SSX7: variants seen among roughly 807,000 people sequenced by gnomAD.
SSX7 encodes SSX family member 7.
In SSX7, 15 loss-of-function variants were observed where a neutral mutation model predicts 14.7. The observed-to-expected ratio is 1.02, with a 90% CI of 0.68 to 1.58. SSX7 has a LOEUF of 1.58. Ranked by LOEUF, SSX7 falls within the 40% of genes most tolerant of loss-of-function variation. SSX7 has a pLI of 0.00. For synonymous variants in SSX7, 46 were observed against 50.6 expected (o/e 0.91, Z 0.38); for missense variants, 178 against 146.8 (o/e 1.21, Z -1.10).
intron 4 of SSX7, among the ~76,000 whole-genome samples, chrX:52,651,807 G>T (rs1374780189): frequency 2.7e-5 from 3 of 111,395 alleles, no homozygotes; most frequent in Non-Finnish European, 5.7e-5. Flanking sequence ...CCCAGGAGGT[G>T]AAAGTTGGAG....
Position 52,650,365 on chromosome X carries a change from T to C in SSX7, c.318A>G (p.Arg106=). The part of the protein sequence containing the change: ...RPQMTFCRLQ[R]IFPKIMPKKP... ...GAGAGACACTCACCTTCGGGAAGAT[T>C]CTCTGGAGCCTGCAAAAAGTCATCT... The change falls in exon 5 of 8, where the codon AGA becomes AGG. Residue 106 remains arginine (R), a synonymous_variant. Coordinates refer to ENST00000298181, the MANE Select transcript of SSX7 (RefSeq NM_173358.2). 8.3e-7 allele frequency: 1 copy of C among 1,210,576 alleles called. No homozygotes were observed. The highest frequency in any genetic ancestry group is 1.1e-6 in the Non-Finnish European group (1 of 894,589).
chrX:52,647,566 C>T (rs1169846123), intron 6 of SSX7, among the ~76,000 whole-genome samples: 2 of 111,643 alleles, frequency 1.8e-5, no homozygotes, highest in Admixed American at 9.6e-5. Context: ...CACAGCCACT[C>T]CACCCTTCAG....
chrX:52,648,395 A>G lies in SSX7; in HGVS notation c.332T>C (p.Ile111Thr). 8.3e-7 allele frequency: 1 copy of G among 1,211,013 alleles called. No individual in the cohort carries two copies. Among genetic ancestry groups the G allele is most frequent in the Non-Finnish European group, 1.1e-6 (1 of 895,158 alleles). Residue 111 changes from isoleucine to threonine, a missense_variant and splice_region_variant, in exon 6 of 8, where the codon ATC becomes ACC. Physicochemically the swap from Ile to Thr is moderately conservative, Grantham distance 89 (BLOSUM62 -1). Coordinates refer to ENST00000298181, the MANE Select transcript of SSX7 (RefSeq NM_173358.2). ...TTCCTCTGCTGGCTTCTTGGGCATG[A>G]TCTTTATAATGTGAAGGTCACAGAT... Reference protein sequence around the residue: ...FCRLQRIFPKIMPKKPAEEGN... With the variant: ...FCRLQRIFPKTMPKKPAEEGN...
At position 52,644,618 on chromosome X, in the gene SSX7, G is replaced by C. The variant is rs1323178617; in HGVS notation, c.*57C>G. The C allele has an allele frequency of 2.1e-5, 25 of 1,193,618 alleles. No homozygotes were observed. Among genetic ancestry groups the C allele is most frequent in the Non-Finnish European group, 2.4e-5 (21 of 893,180 alleles). On this transcript the variant is annotated 3_prime_UTR_variant, in exon 8 of 8. Transcript: ENST00000298181. ...GGTCCGCAGCCATGCCCATGTTCGT[G>C]AAAGGTCACCACGTTCTGCTTCTCA...
Position 52,648,278 on chromosome X carries a change from T to C in SSX7, c.449A>G (p.Lys150Arg), listed in dbSNP as rs781962389. 1 of 1,208,352 alleles carries C rather than the reference T, an allele frequency of 8.3e-7. No individual in the cohort carries two copies. Among genetic ancestry groups the C allele is most frequent in the South Asian group, 1.8e-5 (1 of 55,851 alleles). Residue 150 changes from lysine to arginine, a missense_variant, in exon 6 of 8, where the codon AAG becomes AGG. By Grantham distance (26) the Lys-to-Arg change is conservative. Transcript: ENST00000298181. ...CPPGKPSTSE[K>R]INKTSGPKRG... ...CCTCTTACCGGATGTCTTGTTAATC[T>C]TCTCAGAGGTACTTGGTTTTCCTGG... is the stretch of plus-strand genomic sequence containing the variant.
chrX:52,653,332 C>T, intron 2 of SSX7, 72 bp downstream of exon 2: 1 of 1,209,761 alleles, frequency 8.3e-7, no homozygotes, highest in Non-Finnish European at 1.1e-6. Flanking sequence ...TCTCTGTCCT[C>T]CCCTCCTCAG....
chrX:52,650,204 T>C (rs2080835537), intron 5 of SSX7, 149 bp downstream of exon 5: 2 of 704,687 alleles, frequency 2.8e-6, no homozygotes, highest in Non-Finnish European at 4.3e-6. Flanking sequence ...GTTAGTATTA[T>C]TAAGCTGTTG....
Position 52,650,438 on chromosome X carries a change from T to C in SSX7, c.281-36A>G, listed in dbSNP as rs782367202. 13 of 1,181,882 alleles carry C rather than the reference T, an allele frequency of 1.1e-5. No individual in the cohort carries two copies. The South Asian group carries it at 2.0e-4, about 18-fold the overall frequency. The stretch of plus-strand genomic sequence containing the variant: ...ATATATCAGAATTTTTCTTTGTTGG[T>C]AAAGATTTCCAAACTCTAGAGACTT... On this transcript the variant is annotated intron_variant, in intron 4 of 7. Transcript: ENST00000298181.
chrX:52,650,266 A>G (rs1925384879), intron 5 of SSX7, 87 bp downstream of exon 5: 7 of 1,117,184 alleles, frequency 6.3e-6, no homozygotes, highest in South Asian at 1.9e-5. Flanking sequence ...CAGTGAGGGC[A>G]TTTTTTATAT....
At chrX:52,652,169 G>A in intron 4 of SSX7, 83 bp downstream of exon 4, 1 of 822,433 alleles carries the variant, frequency 1.2e-6, no homozygotes. Flanking sequence ...GGGAACAAAT[G>A]CCTGAGGATC....
chrX:52,648,432 G>T, intron 5 of SSX7, 36 bp from the exon 6 acceptor site: 2 of 1,206,965 alleles, frequency 1.7e-6, no homozygotes, highest in Non-Finnish European at 2.2e-6. Flanking sequence ...AACAGAATCA[G>T]TGACATTTCT....
chrX:52,654,529 G>A (rs1410240710), intron 1 of SSX7, among the ~76,000 whole-genome samples: 23 of 107,740 alleles, frequency 2.1e-4, no homozygotes, highest in Admixed American at 1.8e-3. Context: ...CACCGTACCC[G>A]GCCCAAATTT....
intron 6 of SSX7, among the ~76,000 whole-genome samples, chrX:52,645,944 G>C (rs3122207): frequency 9.0e-6 from 1 of 110,809 alleles, no homozygotes; most frequent in Non-Finnish European, 1.9e-5. Flanking sequence ...ACACCTTTCC[G>C]TTATTATTAT....
rs782115126 is a variant in SSX7 at position 52,645,921 on chromosome X, T to C, written c.467-378A>G. On this transcript the variant is annotated intron_variant, in intron 6 of 7. Coordinates refer to ENST00000298181, the MANE Select transcript of SSX7 (RefSeq NM_173358.2). ...TGCTGCAATGTTTTTTTTTGGAAAC[T>C]CTCATCAATTTTACACCTTTCCGTT... Among the ~76,000 whole-genome samples, 4 of 111,527 alleles carry C rather than the reference T, an allele frequency of 3.6e-5. No individual in the cohort carries two copies. The South Asian group carries it at 1.5e-3, about 42-fold the overall frequency.
chrX:52,651,726 T>C, intron 4 of SSX7, among the ~76,000 whole-genome samples: 1 of 110,901 alleles, frequency 9.0e-6, no homozygotes, highest in Non-Finnish European at 1.9e-5. Flanking sequence ...AAATAAAAAA[T>C]GAGCTGGGTG....
chrX:52,654,324 C>T (rs1408352105), intron 1 of SSX7, among the ~76,000 whole-genome samples: 33 of 105,735 alleles, frequency 3.1e-4, no homozygotes, highest in African/African-American at 9.3e-4. Flanking sequence ...AAGGCCTACG[C>T]GAGAGGATCA....
chrX:52,644,897 A>AT (rs1194025529), intron 7 of SSX7, among the ~76,000 whole-genome samples: 3 of 110,998 alleles, frequency 2.7e-5, no homozygotes, highest in South Asian at 7.8e-4. Flanking sequence ...TGGCCCACAT[A>AT]CAGGGCTGAT....
At chrX:52,650,029 A>C (rs1293928667) in intron 5 of SSX7, among the ~76,000 whole-genome samples, 1 of 112,685 alleles carries the variant, frequency 8.9e-6, no homozygotes, top group Non-Finnish European at 1.9e-5. Flanking sequence ...CATGGCTTTT[A>C]TATGGACGAC....
Position 52,652,303 on chromosome X carries a change from T to C in SSX7, c.229A>G (p.Thr77Ala). 8.3e-7 allele frequency: 1 copy of C among 1,209,887 alleles called. No homozygotes were observed. The highest frequency in any genetic ancestry group is 1.1e-6 in the Non-Finnish European group (1 of 894,486). Residue 77 changes from threonine (T) to alanine (A), a missense_variant, in exon 4 of 8, where the codon ACA (threonine) becomes GCA (alanine). Coordinates refer to ENST00000298181, the MANE Select transcript of SSX7 (RefSeq NM_173358.2). ...TCAAAATCATTCCCCTGGAGGTCTGTGGCCCCTGTATTATGCATGAAAGGT... is the reference window on the plus strand; with the variant it reads ...TCAAAATCATTCCCCTGGAGGTCTGCGGCCCCTGTATTATGCATGAAAGGT... ...LPPFMHNTGA[T>A]DLQGNDFDND...
Sources: gnomAD v4.1 joint callset for allele counts (sites outside exome capture counted in the v4.1 genomes callset) on GRCh38, gnomAD v4.1.1 for gene constraint, MANE v1.5 for transcripts, NCBI Gene and HGNC (gene_info 2026-07-23, HGNC 2026-07-21) for gene names.